CHAF1A: variants seen among roughly 807,000 people sequenced by gnomAD.
The protein encoded by CHAF1A is CAF-1 subunit A.
In CHAF1A, 5 loss-of-function variants were observed where a neutral mutation model predicts 93.2. The ratio of observed to expected loss-of-function variants is 0.05; its 90% CI spans 0.03 to 0.11. The LOEUF (loss-of-function observed/expected upper bound fraction) is 0.11, where lower values mean the gene tolerates loss of function less well. CHAF1A is among the 10% of genes least tolerant of loss of function. The probability of loss-of-function intolerance (pLI) is 1.00; values close to 1 mark genes in which losing one functional copy is unlikely to be tolerated. For synonymous variants in CHAF1A, 504 were observed against 510.3 expected (o/e 0.99, Z 0.17); for missense variants, 1,102 against 1,259.9 (o/e 0.87, Z 1.90).
chr19:4,422,812 G>T lies in CHAF1A; in HGVS notation c.1247+17G>T. On this transcript the variant is annotated intron_variant, in intron 5 of 14. Coordinates refer to ENST00000301280, the MANE Select transcript of CHAF1A (RefSeq NM_005483.3). The surrounding 1 kb of genome is among the most constrained non-coding windows in gnomAD (Gnocchi z 4.6). ...AGCCCTGGAGTGAGTGTCCTTGGAG[G>T]CCATGCTGGGCCCGCCACCCTGCTG... The T allele has an allele frequency of 6.2e-7, 1 of 1,607,458 alleles. No homozygotes were observed. Among genetic ancestry groups the T allele is most frequent in the South Asian group, 1.1e-5 (1 of 90,808 alleles).
chr19:4,450,053 C>T, the CHAF1A span: 22 of 151,620 alleles, frequency 1.5e-4, no homozygotes, highest in Admixed American at 1.3e-3. Context: ...CATGGTGAAA[C>T]CTCATCTCTA....
intron 14 of CHAF1A, 58 bp from the exon 15 acceptor site, chr19:4,442,867 C>T: frequency 7.5e-7 from 1 of 1,324,898 alleles, no homozygotes; most frequent in East Asian, 2.5e-5. Context: ...GTGGGGTCTT[C>T]CCCCAGGGAG....
chr19:4,447,757 C>T (rs557404513), downstream of CHAF1A: 16 of 877,452 alleles, frequency 1.8e-5, no homozygotes, highest in Admixed American at 3.9e-5. Flanking sequence ...GGCCCAGTGA[C>T]GCGAGGGCAG....
At chr19:4,408,036 G>A (rs929075495) in intron 2 of CHAF1A, among the ~76,000 whole-genome samples, 6 of 150,624 alleles carry the variant, frequency 4.0e-5, no homozygotes, top group African/African-American at 1.2e-4. Context: ...TTTGAGACGA[G>A]GTCCCTTTTG....
At chr19:4,444,629 A>G (rs777270364), downstream of CHAF1A, 7 of 151,890 alleles carry the variant, frequency 4.6e-5, no homozygotes, top group Non-Finnish European at 8.8e-5. Context: ...ACCCAGGATC[A>G]TCTCCCAGCT....
intron 4 of CHAF1A, among the ~76,000 whole-genome samples, 170 bp downstream of exon 4, chr19:4,418,246 G>A (rs1047232290): frequency 1.3e-5 from 2 of 152,098 alleles, no homozygotes; most frequent in African/African-American, 4.8e-5. Context: ...CATGGTTTGT[G>A]GATTGTGTCA....
chr19:4,440,997 G>GT (rs1342545491), intron 13 of CHAF1A, among the ~76,000 whole-genome samples: 2 of 124,382 alleles, frequency 1.6e-5, no homozygotes, highest in Non-Finnish European at 3.3e-5. Context: ...GCGGGCACCT[G>GT]TTAAAAAAAA....
intron 4 of CHAF1A, among the ~76,000 whole-genome samples, chr19:4,419,029 A>ATTTTTTT (rs11406470): frequency 1.6e-3 from 150 of 96,434 alleles, no homozygotes; most frequent in Non-Finnish European, 1.9e-3. Flanking sequence ...TAGCCAGCTA[A>ATTTTTTT]TTTTTTTTTT....
chr19:4,429,106 G>A (rs1243602301), intron 8 of CHAF1A: 7 of 594,642 alleles, frequency 1.2e-5, no homozygotes, highest in Non-Finnish European at 1.8e-5. Context: ...AGCTCCTCGT[G>A]GAGGAATCTT....
rs1974015313 is a variant in CHAF1A at position 4,422,865 on chromosome 19, G to A, written c.1247+70G>A. 7.0e-7 allele frequency: 1 copy of A among 1,430,672 alleles called. No individual in the cohort carries two copies. Among genetic ancestry groups the A allele is most frequent in the Non-Finnish European group, 9.7e-7 (1 of 1,028,542 alleles). The allele number at this position is 1,430,672 out of a possible 1,614,324, so 88.6% of individuals were successfully genotyped here. A position where few individuals can be genotyped will look rare whatever the true frequency, so the allele number is the denominator to read the frequency against. ...GGATTCCGCTCCTGGCCACTCTGAT[G>A]GGGCCTTTCCACTTCACAGGCAGAT... On this transcript the variant is annotated intron_variant, in intron 5 of 14. Coordinates refer to ENST00000301280, the MANE Select transcript of CHAF1A (RefSeq NM_005483.3). The surrounding 1 kb of genome is among the most constrained non-coding windows in gnomAD (Gnocchi z 4.6).
downstream of CHAF1A, chr19:4,447,798 G>A (rs888682351): frequency 1.2e-5 from 8 of 652,262 alleles, no homozygotes; most frequent in African/African-American, 1.8e-5. Flanking sequence ...GGCACACCTC[G>A]GACACCCCAT....
At chr19:4,444,471 C>T (rs1974458847), downstream of CHAF1A, 1 of 152,324 alleles carries the variant, frequency 6.6e-6, no homozygotes, top group African/African-American at 2.4e-5. Flanking sequence ...AGGACCAGGC[C>T]CTCCTGGAGA....
downstream of CHAF1A, chr19:4,445,484 A>C: frequency 6.2e-7 from 1 of 1,613,568 alleles, no homozygotes; most frequent in Non-Finnish European, 8.5e-7. Flanking sequence ...GCTGAGGCCA[A>C]CCCTGCTTTT....
At chr19:4,437,391 C>A (rs1974304554) in intron 13 of CHAF1A, among the ~76,000 whole-genome samples, 1 of 152,136 alleles carries the variant, frequency 6.6e-6, no homozygotes, top group African/African-American at 2.4e-5. Context: ...ACTCTGTTAC[C>A]TAGGCCGGAG....
rs2230633 is a variant in CHAF1A, at chr19:4,409,009, C to G, written c.210C>G (p.Ala70=). The G allele has an allele frequency of 1.3e-3, 2,066 of 1,614,180 alleles. 22 individuals are homozygous for G. In the African/African-American group the frequency reaches 0.023, roughly 18 times the overall value. The change falls in exon 3 of 15, where the codon GCC becomes GCG. Residue 70 remains alanine (A), a synonymous_variant. Transcript: ENST00000301280. Reference sequence around the variant, plus strand: ...AAAGTAAAAGCCCCGATTTAGAGGCCTCTTTGGACACCTTGGAAAACAACT... The same window carrying G: ...AAAGTAAAAGCCCCGATTTAGAGGCGTCTTTGGACACCTTGGAAAACAACT... ...SVQSKSPDLE[A]SLDTLENNCH... is the part of the protein sequence containing the mutation.
chr19:4,443,257 T>C lies in CHAF1A; in HGVS notation c.*232T>C, dbSNP rs1056856771. 3.3e-5 allele frequency: 17 copies of C among 513,220 alleles called. No homozygotes were observed. The highest frequency in any genetic ancestry group is 6.1e-5 in the Admixed American group (2 of 32,842). The allele number at this position is 513,220 out of a possible 1,614,324, so 31.8% of individuals were successfully genotyped here. Reference sequence around the variant, plus strand: ...AAGCATTATTGAGATTGCTGGCCTATTGGGGAAGCCTGCGGGCACAGGAGC... The same window carrying C: ...AAGCATTATTGAGATTGCTGGCCTACTGGGGAAGCCTGCGGGCACAGGAGC... On this transcript the variant is annotated 3_prime_UTR_variant, in exon 15 of 15. Coordinates refer to ENST00000301280, the MANE Select transcript of CHAF1A (RefSeq NM_005483.3).
At chr19:4,409,870 G>T in intron 3 of CHAF1A, 111 bp downstream of exon 3, 3 of 1,290,090 alleles carry the variant, frequency 2.3e-6, no homozygotes, top group Non-Finnish European at 3.2e-6. Context: ...GGGGCCACGG[G>T]CTGGGTCCTG....
At chr19:4,407,306 A>G (rs779713154) in intron 2 of CHAF1A, among the ~76,000 whole-genome samples, 22 of 151,424 alleles carry the variant, frequency 1.5e-4, no homozygotes, top group Non-Finnish European at 2.8e-4. Context: ...TAAAAGATGC[A>G]ATGGCATTGA....
intron 13 of CHAF1A, among the ~76,000 whole-genome samples, chr19:4,441,901 AAAAAAT>A (rs942257340): frequency 5.9e-5 from 9 of 152,356 alleles, no homozygotes; most frequent in South Asian, 2.1e-4. Flanking sequence ...CCGTCTCAAA[AAAAAAT>A]AAAAATAAAT....
Sources: allele counts gnomAD v4.1 joint callset (sites outside exome capture counted in the v4.1 genomes callset), GRCh38; gene constraint gnomAD v4.1.1; non-coding constraint Gnocchi (gnomAD v3.1); transcripts MANE v1.5; gene names NCBI Gene and HGNC (gene_info 2026-07-23, HGNC 2026-07-21).